The following GAS6 variants were observed in gnomAD, a reference collection of about 807,000 sequenced individuals.
The protein encoded by GAS6 is growth arrest specific 6, also known as growth arrest-specific protein 6.
A neutral mutation model predicts 75.8 loss-of-function variants in GAS6; 41 were observed. That is an observed-to-expected ratio of 0.54 (90% confidence interval 0.42 to 0.70). The LOEUF is 0.70. Ranked by LOEUF, GAS6 falls within the 30% of genes least tolerant of loss-of-function variation. GAS6 has a pLI of 0.00. For missense variants in GAS6, 854 were observed against 940.2 expected, an observed-to-expected ratio of 0.91 and a Z score of 1.20; for synonymous variants, 432 against 412.6, an observed-to-expected ratio of 1.05 and a Z score of -0.57.
In GAS6 at chr13:113,821,037, A is replaced by C. The variant is rs768559329; in HGVS notation, c.1883-19T>G. The C allele has an allele frequency of 3.3e-5, 53 of 1,610,284 alleles. 1 individual carries two copies. The South Asian group carries it at 5.8e-4, about 18-fold the overall frequency. On this transcript the variant is annotated intron_variant, in intron 14 of 14. Transcript: ENST00000327773. ...GGCACATCTGGGCCGCAGGGAGAGAACAACATATCTTAGCTCACCACGTGG... is the reference window on the plus strand; with the variant it reads ...GGCACATCTGGGCCGCAGGGAGAGACCAACATATCTTAGCTCACCACGTGG...
Position 113,863,866 on chromosome 13 carries a change from GC to G in GAS6, c.54del (p.Leu19CysfsTer75). 8.1e-7 allele frequency: 1 copy of G among 1,241,534 alleles called. No homozygotes were observed. The highest frequency in any genetic ancestry group is 1.0e-6 in the Non-Finnish European group (1 of 996,234). 76.9% of individuals were successfully genotyped at this position (1,241,534 alleles called of 1,614,324 possible). A position where few individuals can be genotyped will look rare whatever the true frequency, so the allele number is the denominator to read the frequency against. ...CACTCCGCGGCCAGCAGCAGCAGCAGCAGCTGCGGCGCGCGGCGCAGGGCGG... is the reference window on the plus strand; with the variant it reads ...CACTCCGCGGCCAGCAGCAGCAGCAGAGCTGCGGCGCGCGGCGCAGGGCGG... ...GPAALRRAPQLLLLLLAAECA... is the reference protein window; with the variant it reads ...GPAALRRAPQXLLLLLAAECA... On this transcript the variant is annotated frameshift_variant, in exon 1 of 15. Coordinates refer to ENST00000327773, the MANE Select transcript of GAS6 (RefSeq NM_000820.4). LOFTEE classifies it high-confidence loss of function. This position sits in a 1 kb window ranked among gnomAD's most constrained non-coding sequence, Gnocchi z 9.4.
At chr13:113,861,116 A>G (rs9577918) in intron 2 of GAS6, among the ~76,000 whole-genome samples, 6,827 of 152,028 alleles carry the variant, frequency 0.045, 271 homozygotes, top group South Asian at 0.11. Flanking sequence ...ATGCCCCAGC[A>G]AGGGGCAGTG....
At position 113,832,487 on chromosome 13, in the gene GAS6, G is replaced by A; in HGVS notation, c.955C>T (p.Leu319=). 6.3e-7 allele frequency: 1 copy of A among 1,597,516 alleles called. No individual in the cohort carries two copies. The highest frequency in any genetic ancestry group is 1.1e-5 in the South Asian group (1 of 89,206). ...GTCCGGAAGTCAAACTCAGCTACCA[G>A]CCTGGGCACCCACAGGAGAAATGAG... is the stretch of plus-strand genomic sequence containing the variant. The part of the protein sequence containing the change: ...LRFKRLQPTR[L]VAEFDFRTFD... Residue 319 remains leucine, a splice_region_variant and synonymous_variant, in exon 10 of 15, where the codon CTG becomes TTG. Transcript: ENST00000327773.
In GAS6 at chr13:113,837,927, T is replaced by G; in HGVS notation, c.589+142A>C. On this transcript the variant is annotated intron_variant, in intron 6 of 14. Transcript: ENST00000327773. This position sits in a 1 kb window ranked among gnomAD's most constrained non-coding sequence, Gnocchi z 5.1. Reference sequence around the variant, plus strand: ...CCCTGTGCTGCGGCTGGCCTGGGCTTGTGTAGTCTCTGCAGGATGCCCCAT... The same window carrying G: ...CCCTGTGCTGCGGCTGGCCTGGGCTGGTGTAGTCTCTGCAGGATGCCCCAT... 3.1e-6 allele frequency: 3 copies of G among 962,462 alleles called. No homozygotes were observed. Among genetic ancestry groups the G allele is most frequent in the South Asian group, 3.1e-5 (2 of 63,694 alleles). The allele number at this position is 962,462 out of a possible 1,614,324, so 59.6% of individuals were successfully genotyped here. A position where few individuals can be genotyped will look rare whatever the true frequency, so the allele number is the denominator to read the frequency against.
chr13:113,846,627 C>A, intron 3 of GAS6, 38 bp from the exon 4 acceptor site: 1 of 1,567,470 alleles, frequency 6.4e-7, no homozygotes. Flanking sequence ...GTCATCCTTA[C>A]AAGACCGGAT....
At chr13:113,859,024 C>T (rs1042624555) in intron 2 of GAS6, among the ~76,000 whole-genome samples, 26 of 145,354 alleles carry the variant, frequency 1.8e-4, no homozygotes, top group African/African-American at 6.7e-4. Context: ...GTATGTGTGC[C>T]TTGTATGTGC....
chr13:113,831,284 CTGGACCCT>C (rs552391115), intron 10 of GAS6, among the ~76,000 whole-genome samples: 149 of 152,304 alleles, frequency 9.8e-4, no homozygotes, highest in African/African-American at 3.2e-3. Context: ...GTGAGGTCAC[CTGGACCCT>C]TGGCATGCAT....
chr13:113,856,823 C>A (rs1427992954), intron 2 of GAS6, among the ~76,000 whole-genome samples: 1 of 145,524 alleles, frequency 6.9e-6, no homozygotes, highest in Non-Finnish European at 1.5e-5. Flanking sequence ...AATGCCACAC[C>A]GCAGCCCTCT....
At chr13:113,846,339 C>T (rs1196879934) in intron 4 of GAS6, among the ~76,000 whole-genome samples, 188 bp downstream of exon 4, 1 of 152,206 alleles carries the variant, frequency 6.6e-6, no homozygotes, top group Non-Finnish European at 1.5e-5. Flanking sequence ...CATTTATTGC[C>T]TATTGCTAAA....
In GAS6 at chr13:113,828,637, G is replaced by A. The variant is rs143062446; in HGVS notation, c.1218C>T (p.Ala406=). 1.9e-5 allele frequency: 30 copies of A among 1,613,460 alleles called. No individual in the cohort carries two copies. The highest frequency in any genetic ancestry group is 9.3e-5 in the African/African-American group (7 of 74,934). Residue 406 remains alanine (A), a synonymous_variant, in exon 11 of 15, where the codon GCC becomes GCT. Coordinates refer to ENST00000327773, the MANE Select transcript of GAS6 (RefSeq NM_000820.4). The stretch of plus-strand genomic sequence containing the variant: ...CTCGCTCCGGTTGGAACAAGTCCCC[G>A]GCCACCGCGATTTTCATGACAGCAT... ...NRDAVMKIAV[A]GDLFQPERGL... is the part of the protein sequence containing the mutation.
At chr13:113,823,211 C>T (rs997493445) in intron 13 of GAS6, 164 bp downstream of exon 13, 12 of 733,824 alleles carry the variant, frequency 1.6e-5, no homozygotes, top group African/African-American at 3.6e-5. Context: ...CCCCGCAGCC[C>T]GAAGCGTGGC....
chr13:113,863,788 T>G lies in GAS6; in HGVS notation c.88+45A>C. The G allele has an allele frequency of 2.1e-6, 3 of 1,402,768 alleles. No homozygotes were observed. Among genetic ancestry groups the G allele is most frequent in the Non-Finnish European group, 2.8e-6 (3 of 1,089,898 alleles). The allele number at this position is 1,402,768 out of a possible 1,614,324, so 86.9% of individuals were successfully genotyped here. The stretch of plus-strand genomic sequence containing the variant: ...GACGCGTCAAGCCGCGCCCGGAGCC[T>G]CCTCCCGCCGCCCGGGGACGGGGTC... On this transcript the variant is annotated intron_variant, in intron 1 of 14. Transcript: ENST00000327773. This position sits in a 1 kb window ranked among gnomAD's most constrained non-coding sequence, Gnocchi z 9.4.
intron 2 of GAS6, among the ~76,000 whole-genome samples, chr13:113,858,699 CTGTG>C (rs1387247193): frequency 7.0e-6 from 1 of 142,908 alleles, no homozygotes. Context: ...GTGTGTGTGA[CTGTG>C]TATGTACATC....
chr13:113,828,777 A>C, intron 10 of GAS6, 66 bp from the exon 11 acceptor site: 1 of 1,538,808 alleles, frequency 6.5e-7, no homozygotes, highest in Non-Finnish European at 8.9e-7. Flanking sequence ...CCAACTGAGA[A>C]AAACCACACT....
At chr13:113,859,353 T>G (rs991041083) in intron 2 of GAS6, among the ~76,000 whole-genome samples, 2 of 151,754 alleles carry the variant, frequency 1.3e-5, no homozygotes, top group Admixed American at 1.3e-4. Flanking sequence ...TGTACATGTC[T>G]GTGTGACTGT....
rs752466068 is a variant in GAS6 at position 113,835,493 on chromosome 13, T to C, written c.712+20A>G. The stretch of plus-strand genomic sequence containing the variant: ...ACTTGGGCGTCAGAGAAAGCGAGGG[T>C]GACCGCGTGGCGTGGGTACCTCGGC... On this transcript the variant is annotated intron_variant, in intron 7 of 14. Coordinates refer to ENST00000327773, the MANE Select transcript of GAS6 (RefSeq NM_000820.4). 4 of 1,610,222 alleles carry C rather than the reference T, an allele frequency of 2.5e-6. No homozygotes were observed. Among genetic ancestry groups the C allele is most frequent in the Non-Finnish European group, 3.4e-6 (4 of 1,178,528 alleles).
chr13:113,823,489 G>A lies in GAS6; in HGVS notation c.1539C>T (p.Ile513=), dbSNP rs766469912. 1 of 1,612,786 alleles carries A rather than the reference G, an allele frequency of 6.2e-7. No homozygotes were observed. The highest frequency in any genetic ancestry group is 8.5e-7 in the Non-Finnish European group (1 of 1,179,948). ...STWEVEVVAH[I]RPAADTGVLF... The stretch of plus-strand genomic sequence containing the variant: ...GCACGCCTGTGTCTGCGGCTGGGCG[G>A]ATGTGAGCCACGACTTCTACTTCCC... The change falls in exon 13 of 15, where the codon ATC becomes ATT. Residue 513 remains isoleucine (I), a synonymous_variant. Transcript: ENST00000327773.
At chr13:113,838,299 C>A in intron 5 of GAS6, 108 bp from the exon 6 acceptor site, 1 of 1,359,714 alleles carries the variant, frequency 7.4e-7, no homozygotes, top group Non-Finnish European at 1.0e-6. Flanking sequence ...AGGGAGGGAG[C>A]CCAGAGGTGC....
In GAS6 at chr13:113,844,675, TA is replaced by T. The variant is rs1236028654; in HGVS notation, c.343+1851del. The T allele has an allele frequency of 1.3e-5, 2 of 150,476 alleles. 1 individual carries two copies. Among genetic ancestry groups the T allele is most frequent in the African/African-American group, 5.0e-5 (2 of 39,964 alleles). 9.3% of individuals were successfully genotyped at this position (150,476 alleles called of 1,614,324 possible). On this transcript the variant is annotated intron_variant, in intron 4 of 14. Coordinates refer to ENST00000327773, the MANE Select transcript of GAS6 (RefSeq NM_000820.4). The surrounding 1 kb of genome is among the most constrained non-coding windows in gnomAD (Gnocchi z 5.7). ...ACCAGAAAAAAGACTGAGGAGGGCA[TA>T]GGAGACCCACCCGCGTGCATGAGGC...
Sources: gnomAD v4.1 joint callset for allele counts (sites outside exome capture counted in the v4.1 genomes callset) on GRCh38, gnomAD v4.1.1 for gene constraint, Gnocchi (gnomAD v3.1) non-coding constraint, MANE v1.5 for transcripts, NCBI Gene and HGNC (gene_info 2026-07-23, HGNC 2026-07-21) for gene names.